The following TMC1 variants were observed in gnomAD, a reference collection of about 807,000 sequenced individuals.
TMC1 encodes the protein transmembrane channel like 1, also known as transmembrane channel-like protein 1.
In TMC1, 84 loss-of-function variants were observed where a neutral mutation model predicts 105.8. The ratio of observed to expected loss-of-function variants is 0.79; its 90% confidence interval spans 0.67 to 0.95. The LOEUF is 0.95. TMC1 is among the 40% of genes least tolerant of loss of function. The probability of loss-of-function intolerance (pLI) is 0.00; values close to 1 mark genes in which losing one functional copy is unlikely to be tolerated. For synonymous variants in TMC1, 315 were observed against 311.5 expected (o/e 1.01, Z -0.12); for missense variants, 817 against 914.1 (o/e 0.89, Z 1.37).
intron 1 of TMC1, among the ~76,000 whole-genome samples, chr9:72,560,674 A>G (rs1235059760): frequency 2.0e-5 from 3 of 151,786 alleles, no homozygotes; most frequent in Admixed American, 1.3e-4. Context: ...AACTTTTTGT[A>G]TTTTTAGTAG....
chr9:72,706,781 T>TC, intron 8 of TMC1, among the ~76,000 whole-genome samples: 1 of 150,920 alleles, frequency 6.6e-6, no homozygotes, highest in East Asian at 1.9e-4. Context: ...TTTCTTTCTT[T>TC]TTTTTTTTTT....
chr9:72,623,060 A>G (rs1165644166), intron 3 of TMC1, among the ~76,000 whole-genome samples: 2 of 151,018 alleles, frequency 1.3e-5, no homozygotes, highest in Non-Finnish European at 2.9e-5. Context: ...TCAAAAAAAA[A>G]AACAAACAAA....
intron 2 of TMC1, among the ~76,000 whole-genome samples, chr9:72,610,940 T>C (rs1385583355): frequency 6.6e-6 from 1 of 152,210 alleles, no homozygotes; most frequent in Non-Finnish European, 1.5e-5. Context: ...AGAGTGGTGG[T>C]ATCGAGCTAG....
At chr9:72,604,724 G>C (rs1451214271) in intron 2 of TMC1, among the ~76,000 whole-genome samples, 1 of 152,170 alleles carries the variant, frequency 6.6e-6, no homozygotes, top group Non-Finnish European at 1.5e-5. Context: ...AAATAAATTA[G>C]TAAATAGGTG....
intron 4 of TMC1, among the ~76,000 whole-genome samples, chr9:72,628,623 A>T (rs1229601366): frequency 6.6e-6 from 1 of 152,224 alleles, no homozygotes; most frequent in Non-Finnish European, 1.5e-5. Context: ...GGGAAAGTAG[A>T]GCATGTTCTG....
At chr9:72,568,291 G>A (rs1008297119) in intron 1 of TMC1, among the ~76,000 whole-genome samples, 1 of 152,000 alleles carries the variant, frequency 6.6e-6, no homozygotes, top group African/African-American at 2.4e-5. Context: ...TATTTCTTGA[G>A]GCAACGAAGG....
chr9:72,672,116 T>C (rs982333050), intron 5 of TMC1, among the ~76,000 whole-genome samples: 11 of 152,240 alleles, frequency 7.2e-5, no homozygotes, highest in Admixed American at 1.3e-4. Flanking sequence ...CAGTCCCACA[T>C]TGGTGACACC....
intron 8 of TMC1, among the ~76,000 whole-genome samples, chr9:72,717,767 G>T (rs1838487): frequency 0.23 from 34,616 of 151,990 alleles, 4,267 homozygotes; most frequent in East Asian, 0.38. Context: ...GATAACTATA[G>T]GTTTAGGCAA....
chr9:72,770,986 A>G (rs149776891), intron 12 of TMC1, among the ~76,000 whole-genome samples: 1 of 152,294 alleles, frequency 6.6e-6, no homozygotes, highest in East Asian at 1.9e-4. Flanking sequence ...TTATCCAGGG[A>G]CACCCTCCCG....
At chr9:72,779,036 C>G (rs1461821161) in intron 13 of TMC1, among the ~76,000 whole-genome samples, 1 of 152,198 alleles carries the variant, frequency 6.6e-6, no homozygotes, top group Admixed American at 6.5e-5. Flanking sequence ...GCCAGCAACC[C>G]TCATGGAGCA....
At chr9:72,821,113 C>T (rs772028475) in intron 20 of TMC1, 32 bp downstream of exon 20, 16 of 1,613,810 alleles carry the variant, frequency 9.9e-6, no homozygotes, top group African/African-American at 5.3e-5. Context: ...ACTCAGGCAT[C>T]GTGTTCTTTC....
chr9:72,568,071 ATT>A (rs35677632), intron 1 of TMC1, among the ~76,000 whole-genome samples: 2 of 143,188 alleles, frequency 1.4e-5, no homozygotes. Flanking sequence ...GCCCTCAATG[ATT>A]TTTTTTTTTT....
chr9:72,789,039 C>T (rs1828218140), intron 14 of TMC1, 84 bp from the exon 15 acceptor site: 1 of 1,337,216 alleles, frequency 7.5e-7, no homozygotes, highest in Admixed American at 1.7e-5. Context: ...GTAAAAATAA[C>T]TTTTGAGGTT....
rs1348952711 is a variant in TMC1 at position 72,688,769 on chromosome 9, G to C, written c.64+13G>C. ...GAGGAAAGCTCAAGTAAGTGGTGAT[G>C]GGCCACTTGGGATACATTTCCTATG... On this transcript the variant is annotated intron_variant, in intron 6 of 23. Transcript: ENST00000297784. 2.5e-6 allele frequency: 4 copies of C among 1,602,284 alleles called. No homozygotes were observed. The highest frequency in any genetic ancestry group is 3.4e-6 in the Non-Finnish European group (4 of 1,170,734).
At chr9:72,637,112 G>A (rs1470530667) in intron 4 of TMC1, among the ~76,000 whole-genome samples, 2 of 151,660 alleles carry the variant, frequency 1.3e-5, no homozygotes, top group African/African-American at 4.9e-5. Context: ...AATGTCAGCA[G>A]CCCCGTATGG....
At chr9:72,542,891 G>A (rs1263362583) in intron 1 of TMC1, among the ~76,000 whole-genome samples, 2 of 151,950 alleles carry the variant, frequency 1.3e-5, no homozygotes, top group Non-Finnish European at 2.9e-5. Context: ...ATCTTGGCCA[G>A]GCTGGTCTCG....
chr9:72,539,568 A>G (rs1444382884), intron 1 of TMC1, among the ~76,000 whole-genome samples: 1 of 151,830 alleles, frequency 6.6e-6, no homozygotes, highest in Non-Finnish European at 1.5e-5. Context: ...TAAGTTTCTC[A>G]TTTCCTTCTG....
At chr9:72,648,526 C>A (rs1825751391) in intron 4 of TMC1, 71 bp from the exon 5 acceptor site, 1 of 870,608 alleles carries the variant, frequency 1.1e-6, no homozygotes, top group Admixed American at 1.8e-5. Context: ...CAGGGGAGCA[C>A]TTTCAGTGGC....
intron 5 of TMC1, among the ~76,000 whole-genome samples, chr9:72,649,586 C>T (rs1288763233): frequency 6.6e-6 from 1 of 152,074 alleles, no homozygotes; most frequent in African/African-American, 2.4e-5. Flanking sequence ...CTTTAAACAC[C>T]TGGAGAACAT....
Sources: allele counts gnomAD v4.1 joint callset (sites outside exome capture counted in the v4.1 genomes callset), GRCh38; gene constraint gnomAD v4.1.1; transcripts MANE v1.5; gene names NCBI Gene and HGNC (gene_info 2026-07-23, HGNC 2026-07-21).